Variants in CCDC91 observed in about 807,000 individuals in gnomAD.
CCDC91 encodes the protein coiled-coil domain-containing protein 91.
Under a neutral mutation model 63.2 loss-of-function variants are expected in CCDC91, and 48 were observed. The observed-to-expected ratio is 0.76, with a 90% confidence interval of 0.60 to 0.97. The LOEUF (loss-of-function observed/expected upper bound fraction) is 0.97, where lower values mean the gene tolerates loss of function less well. Among genes scored for constraint, CCDC91 ranks in the 50% least tolerant of loss-of-function variants. The pLI is 0.00. For synonymous variants in CCDC91, 167 were observed against 165.8 expected (o/e 1.01, Z -0.06); for missense variants, 500 against 494.6 (o/e 1.01, Z -0.10).
At chr12:28,308,638 C>T (rs1320069692) in intron 6 of CCDC91, among the ~76,000 whole-genome samples, 2 of 151,936 alleles carry the variant, frequency 1.3e-5, no homozygotes, top group Admixed American at 1.3e-4. Context: ...GCTCAGATTC[C>T]CTCAGATACC....
chr12:28,231,160 T>A (rs1344596426), intron 1 of CCDC91, among the ~76,000 whole-genome samples: 1 of 152,178 alleles, frequency 6.6e-6, no homozygotes, highest in Admixed American at 6.5e-5. Flanking sequence ...TAATTTTGGG[T>A]TTGTACATGT....
intron 6 of CCDC91, among the ~76,000 whole-genome samples, chr12:28,327,363 C>T (rs1486199487): frequency 6.6e-6 from 1 of 152,094 alleles, no homozygotes; most frequent in Non-Finnish European, 1.5e-5. Flanking sequence ...CATGGTGGCT[C>T]CATCTTCCCT....
intron 3 of CCDC91, among the ~76,000 whole-genome samples, chr12:28,287,944 A>G (rs951997083): frequency 5.9e-5 from 9 of 151,884 alleles, no homozygotes; most frequent in African/African-American, 1.9e-4. Context: ...GTTCCTAGTT[A>G]TTTTATTCTT....
intron 12 of CCDC91, among the ~76,000 whole-genome samples, chr12:28,527,973 T>C (rs1420805878): frequency 6.6e-6 from 1 of 152,152 alleles, no homozygotes; most frequent in African/African-American, 2.4e-5. Context: ...GCACCAAGTC[T>C]GTTTCCAGGC....
intron 6 of CCDC91, among the ~76,000 whole-genome samples, chr12:28,308,740 A>G (rs564835995): frequency 6.6e-6 from 1 of 151,816 alleles, no homozygotes; most frequent in African/African-American, 2.4e-5. Context: ...CTCTCCATCC[A>G]CCTTATCATA....
intron 1 of CCDC91, among the ~76,000 whole-genome samples, chr12:28,196,922 T>A (rs1216613997): frequency 6.6e-6 from 1 of 152,114 alleles, no homozygotes; most frequent in Non-Finnish European, 1.5e-5. Context: ...TTTTGAAAAC[T>A]TGATTTGTAA....
chr12:28,435,280 T>C (rs1446681141), intron 8 of CCDC91, among the ~76,000 whole-genome samples: 1 of 151,770 alleles, frequency 6.6e-6, no homozygotes, highest in Admixed American at 6.6e-5. Context: ...TTTTAGTACC[T>C]CCCACAAATT....
At chr12:28,431,276 A>T (rs529790248) in intron 8 of CCDC91, among the ~76,000 whole-genome samples, 1 of 152,224 alleles carries the variant, frequency 6.6e-6, no homozygotes, top group East Asian at 1.9e-4. Context: ...TTTTGTTAAC[A>T]TACTGATTTT....
At chr12:28,445,361 C>A (rs1450646469) in intron 8 of CCDC91, among the ~76,000 whole-genome samples, 1 of 152,030 alleles carries the variant, frequency 6.6e-6, no homozygotes, top group Non-Finnish European at 1.5e-5. Context: ...ATATAAGGGA[C>A]CGAAACAAAA....
intron 7 of CCDC91, among the ~76,000 whole-genome samples, chr12:28,365,363 T>G (rs903823972): frequency 6.6e-6 from 1 of 152,132 alleles, no homozygotes; most frequent in Non-Finnish European, 1.5e-5. Flanking sequence ...ATTGTGGAGT[T>G]AGAACCAAAA....
intron 8 of CCDC91, among the ~76,000 whole-genome samples, chr12:28,412,250 G>A (rs1947362836): frequency 6.6e-6 from 1 of 152,140 alleles, no homozygotes; most frequent in Admixed American, 6.5e-5. Context: ...CTGTCATTAA[G>A]TGATGCATGA....
chr12:28,443,238 CAA>C (rs1262273114), intron 8 of CCDC91, among the ~76,000 whole-genome samples: 32 of 82,140 alleles, frequency 3.9e-4, no homozygotes, highest in Non-Finnish European at 4.3e-4. Context: ...GAGTCCTAGG[CAA>C]AAAAAAAAAA....
intron 11 of CCDC91, among the ~76,000 whole-genome samples, chr12:28,461,222 T>G (rs1950296065): frequency 6.6e-6 from 1 of 152,082 alleles, no homozygotes; most frequent in South Asian, 2.1e-4. Flanking sequence ...CTGTACAAAC[T>G]GAAACTATGA....
intron 6 of CCDC91, among the ~76,000 whole-genome samples, chr12:28,328,262 G>T (rs1317024168): frequency 6.6e-6 from 1 of 151,968 alleles, no homozygotes; most frequent in Non-Finnish European, 1.5e-5. Flanking sequence ...TTTTCTGTGT[G>T]CTAAACATAT....
intron 6 of CCDC91, among the ~76,000 whole-genome samples, chr12:28,325,248 G>T (rs192343999): frequency 6.6e-6 from 1 of 152,096 alleles, no homozygotes; most frequent in Non-Finnish European, 1.5e-5. Flanking sequence ...AATAGATACC[G>T]TAAGTGATTT....
chr12:28,503,583 G>T (rs1938269009), intron 12 of CCDC91, among the ~76,000 whole-genome samples: 1 of 152,122 alleles, frequency 6.6e-6, no homozygotes, highest in African/African-American at 2.4e-5. Context: ...TCCCATCACT[G>T]GGTATATACC....
At chr12:28,539,384 T>G (rs1396532221) in intron 12 of CCDC91, among the ~76,000 whole-genome samples, 2 of 152,226 alleles carry the variant, frequency 1.3e-5, no homozygotes, top group Admixed American at 6.5e-5. Flanking sequence ...CATTTCTTGT[T>G]TTTGTCAGGT....
intron 3 of CCDC91, among the ~76,000 whole-genome samples, chr12:28,280,614 C>A (rs930504073): frequency 6.6e-6 from 1 of 151,882 alleles, no homozygotes; most frequent in Admixed American, 6.6e-5. Flanking sequence ...GATTTGTATA[C>A]CTTTGTAAAT....
At chr12:28,257,091 CAGTT>C in intron 1 of CCDC91, 107 bp from the exon 2 acceptor site, 1 of 618,376 alleles carries the variant, frequency 1.6e-6, no homozygotes. Flanking sequence ...AATGCATAGA[CAGTT>C]AGAAATTCTA....
Sources: allele counts gnomAD v4.1 joint callset (sites outside exome capture counted in the v4.1 genomes callset), GRCh38; gene constraint gnomAD v4.1.1; transcripts MANE v1.5; gene names NCBI Gene and HGNC (gene_info 2026-07-23, HGNC 2026-07-21).